The following DUS2 variants were observed in gnomAD, a reference collection of about 807,000 sequenced individuals.
The protein encoded by DUS2 is dihydrouridine synthase 2, also known as tRNA-dihydrouridine(20) synthase [NAD(P)+]-like.
Under a neutral mutation model 71.3 loss-of-function variants are expected in DUS2, and 52 were observed. The ratio of observed to expected loss-of-function variants is 0.73; its 90% CI spans 0.58 to 0.92. The LOEUF is 0.92. Ranked by LOEUF, DUS2 falls within the 40% of genes least tolerant of loss-of-function variation. The pLI is 0.00. For synonymous variants in DUS2, 204 were observed against 227.8 expected (o/e 0.90, Z 0.94); for missense variants, 558 against 622.6 (o/e 0.90, Z 1.10).
chr16:68,078,078 G>A (rs763619484), intron 15 of DUS2: 7 of 297,538 alleles, frequency 2.4e-5, no homozygotes, highest in Admixed American at 2.3e-4. Flanking sequence ...CAAGTCACCT[G>A]GTCCCTCTGC....
chr16:68,051,582 G>A (rs1352700290), intron 4 of DUS2, among the ~76,000 whole-genome samples: 1 of 151,874 alleles, frequency 6.6e-6, no homozygotes, highest in Non-Finnish European at 1.5e-5. Flanking sequence ...GTAGAGATGG[G>A]GGTCTTGCTA....
In DUS2 at chr16:68,074,053, A is replaced by G; in HGVS notation, c.830A>G (p.His277Arg). Reference protein sequence around the residue: ...YIRYAVQYDNHYTNTKYCLCQ... With the variant: ...YIRYAVQYDNRYTNTKYCLCQ... ...TCTCAGGCGGTGCAGTATGACAACC[A>G]CTACACCAACACCAAGTACTGCTTG... Residue 277 changes from histidine (H) to arginine (R), a missense_variant, in exon 13 of 17, where the codon CAC (histidine) becomes CGC (arginine). His to Arg is a conservative substitution (Grantham distance 29). Transcript: ENST00000565263. The G allele has an allele frequency of 1.2e-6, 2 of 1,614,110 alleles. No individual in the cohort carries two copies. Among genetic ancestry groups the G allele is most frequent in the Non-Finnish European group, 1.7e-6 (2 of 1,179,990 alleles).
intron 2 of DUS2, among the ~76,000 whole-genome samples, chr16:68,033,871 A>G (rs1052853582): frequency 2.0e-5 from 3 of 151,858 alleles, no homozygotes; most frequent in Non-Finnish European, 4.4e-5. Flanking sequence ...ACCTCGAGTG[A>G]TCCACCCACC....
intron 8 of DUS2, among the ~76,000 whole-genome samples, chr16:68,063,245 C>T (rs1175256255): frequency 1.3e-5 from 2 of 152,182 alleles, no homozygotes. Context: ...TTGCAGGCTT[C>T]CACAACAAAG....
chr16:68,029,218 C>G (rs1409007559), intron 2 of DUS2, among the ~76,000 whole-genome samples: 1 of 150,972 alleles, frequency 6.6e-6, no homozygotes, highest in Non-Finnish European at 1.5e-5. Flanking sequence ...AAAAAAAAAG[C>G]TATATCACCT....
rs769398973 is a variant in DUS2 at position 68,071,043 on chromosome 16, C to A, written c.745C>A (p.Pro249Thr). ...VMVARAAMWN[P>T]SIFLKEGLRP... ...GGTGGCCCGAGCAGCCATGTGGAACCCATCTATCTTCCTCAAGGAGGGTCT... is the reference window on the plus strand; with the variant it reads ...GGTGGCCCGAGCAGCCATGTGGAACACATCTATCTTCCTCAAGGAGGGTCT... Residue 249 changes from proline (P) to threonine (T), a missense_variant, in exon 12 of 17, where the codon CCA (proline) becomes ACA (threonine). Physicochemically the swap from Pro to Thr is conservative, Grantham distance 38. Coordinates refer to ENST00000565263, the MANE Select transcript of DUS2 (RefSeq NM_017803.5). 3 of 1,614,034 alleles carry A rather than the reference C, an allele frequency of 1.9e-6. No homozygotes were observed. In the Admixed American group the frequency reaches 5.0e-5, roughly 27 times the overall value.
Position 68,078,476 on chromosome 16 carries a change from C to G in DUS2, c.1202C>G (p.Ser401Cys). 1 of 1,614,190 alleles carries G rather than the reference C, an allele frequency of 6.2e-7. No homozygotes were observed. The highest frequency in any genetic ancestry group is 1.6e-4 in the Middle Eastern group (1 of 6,062). The change falls in exon 16 of 17, where the codon TCT becomes TGT. Residue 401 changes from serine (S) to cysteine (C), a missense_variant. Physicochemically the swap from Ser to Cys is moderately radical, Grantham distance 112 (BLOSUM62 -1). Transcript: ENST00000565263. Reference sequence around the variant, plus strand: ...CGCCCTCTAGATCGCCTGTTCTCCTCTATTGTCACCGTTGCTGAACAAAAG... The same window carrying G: ...CGCCCTCTAGATCGCCTGTTCTCCTGTATTGTCACCGTTGCTGAACAAAAG... ...VQRPLDRLFSSIVTVAEQKYQ... is the reference protein window; with the variant it reads ...VQRPLDRLFSCIVTVAEQKYQ...
chr16:68,039,471 T>C (rs1250785889), intron 3 of DUS2, among the ~76,000 whole-genome samples: 1 of 151,542 alleles, frequency 6.6e-6, no homozygotes, highest in Non-Finnish European at 1.5e-5. Context: ...CAGGCTGGAG[T>C]GCAGTGGCGC....
chr16:68,053,850 C>A, intron 5 of DUS2, 195 bp downstream of exon 5: 1 of 575,656 alleles, frequency 1.7e-6, no homozygotes, highest in Non-Finnish European at 3.1e-6. Flanking sequence ...TTATGGAAAT[C>A]AAGCTATCAC....
At chr16:68,045,051 C>T (rs1230981962) in intron 3 of DUS2, among the ~76,000 whole-genome samples, 1 of 152,170 alleles carries the variant, frequency 6.6e-6, no homozygotes, top group African/African-American at 2.4e-5. Context: ...GCTCGGCCTC[C>T]CAAAGTGCTG....
At chr16:68,071,664 G>T (rs1237276633) in intron 12 of DUS2, among the ~76,000 whole-genome samples, 4 of 149,728 alleles carry the variant, frequency 2.7e-5, no homozygotes, top group African/African-American at 9.8e-5. Flanking sequence ...TTGAGATGGG[G>T]TCTTGCTCTG....
rs370072956 is a variant in DUS2 at position 68,070,129 on chromosome 16, C to G, written c.555-5C>G. 6.2e-7 allele frequency: 1 copy of G among 1,614,024 alleles called. No homozygotes were observed. Among genetic ancestry groups the G allele is most frequent in the South Asian group, 1.1e-5 (1 of 91,084 alleles). Reference sequence around the variant, plus strand: ...AGCCCTCAGCCCCATCTTTCTATCTCCAAGGAAGCGGGAGGAGCGACCTCA... The same window carrying G: ...AGCCCTCAGCCCCATCTTTCTATCTGCAAGGAAGCGGGAGGAGCGACCTCA... On this transcript the variant is annotated splice_region_variant and splice_polypyrimidine_tract_variant and intron_variant, in intron 10 of 16. Coordinates refer to ENST00000565263, the MANE Select transcript of DUS2 (RefSeq NM_017803.5).
At chr16:68,044,187 C>T (rs1224562884) in intron 3 of DUS2, among the ~76,000 whole-genome samples, 1 of 151,946 alleles carries the variant, frequency 6.6e-6, no homozygotes, top group African/African-American at 2.4e-5. Context: ...TTTTTCTTCT[C>T]TTTCAAGATT....
At chr16:68,070,077 T>A in intron 10 of DUS2, 57 bp from the exon 11 acceptor site, 1 of 1,501,062 alleles carries the variant, frequency 6.7e-7, no homozygotes, top group Non-Finnish European at 9.3e-7. Flanking sequence ...TAACCCTGTG[T>A]GAGTGGTGTC....
chr16:68,052,065 A>T (rs983186524), intron 4 of DUS2, among the ~76,000 whole-genome samples: 3 of 146,152 alleles, frequency 2.1e-5, no homozygotes, highest in East Asian at 2.0e-4. Flanking sequence ...CACCCAGCTA[A>T]TTTTTTTTTT....
chr16:68,048,765 T>G (rs1274533389), intron 3 of DUS2, among the ~76,000 whole-genome samples: 2 of 151,970 alleles, frequency 1.3e-5, no homozygotes, highest in Admixed American at 1.3e-4. Context: ...CACCTCTTCT[T>G]TTCTTTTCTG....
intron 8 of DUS2, among the ~76,000 whole-genome samples, chr16:68,065,368 G>GCCC (rs148780009): frequency 9.5e-4 from 141 of 148,864 alleles, no homozygotes; most frequent in Non-Finnish European, 1.6e-3. Flanking sequence ...GAAGCTGTCT[G>GCCC]CCCCCCCGCT....
Position 68,071,034 on chromosome 16 carries a change from A to C in DUS2, c.736A>C (p.Met246Leu). ...ASSVMVARAAMWNPSIFLKEG... is the reference protein window; with the variant it reads ...ASSVMVARAALWNPSIFLKEG... ...TTCCGTGATGGTGGCCCGAGCAGCC[A>C]TGTGGAACCCATCTATCTTCCTCAA... Residue 246 changes from methionine (M) to leucine (L), a missense_variant, in exon 12 of 17, where the codon ATG becomes CTG. Coordinates refer to ENST00000565263, the MANE Select transcript of DUS2 (RefSeq NM_017803.5). The C allele has an allele frequency of 1.2e-6, 2 of 1,614,216 alleles. No homozygotes were observed. Among genetic ancestry groups the C allele is most frequent in the Non-Finnish European group, 1.7e-6 (2 of 1,180,040 alleles).
At position 68,066,581 on chromosome 16, in the gene DUS2, A is replaced by G; in HGVS notation, c.499A>G (p.Ser167Gly). The change falls in exon 10 of 17, where the codon AGC (serine) becomes GGC (glycine). Residue 167 changes from serine (S) to glycine (G), a missense_variant. Coordinates refer to ENST00000565263, the MANE Select transcript of DUS2 (RefSeq NM_017803.5). Reference protein sequence around the residue: ...RILPSLEDTLSLVKRIERTGI... With the variant: ...RILPSLEDTLGLVKRIERTGI... ...TCCTCCTCAGCTAGAAGATACCCTG[A>G]GCCTTGTGAAGCGGATAGAGAGGAC... The G allele has an allele frequency of 6.2e-7, 1 of 1,614,206 alleles. No individual in the cohort carries two copies. The highest frequency in any genetic ancestry group is 8.5e-7 in the Non-Finnish European group (1 of 1,180,022).
Sources: gnomAD v4.1 joint callset for allele counts (sites outside exome capture counted in the v4.1 genomes callset) on GRCh38, gnomAD v4.1.1 for gene constraint, MANE v1.5 for transcripts, NCBI Gene and HGNC (gene_info 2026-07-23, HGNC 2026-07-21) for gene names.